ZNF609: variants seen among roughly 807,000 people sequenced by gnomAD.
ZNF609 encodes the protein zinc finger protein 609.
ZNF609 carries 11 observed loss-of-function variants against 109.5 expected under a neutral mutation model. That is an observed-to-expected ratio of 0.10 (90% CI 0.06 to 0.17). The LOEUF is 0.17. Among genes scored for constraint, ZNF609 ranks in the 10% least tolerant of loss-of-function variants. ZNF609 has a pLI of 1.00. For synonymous variants in ZNF609, 646 were observed against 662.0 expected, an observed-to-expected ratio of 0.98 and a Z score of 0.37; for missense variants, 1,559 against 1,772.4, an observed-to-expected ratio of 0.88 and a Z score of 2.16.
chr15:64,617,808 T>TTAAA (rs1000699971), intron 2 of ZNF609, among the ~76,000 whole-genome samples: 4 of 152,082 alleles, frequency 2.6e-5, no homozygotes, highest in Non-Finnish European at 5.9e-5. Context: ...ACAAAAAGTA[T>TTAAA]TAAAAGATAA....
intron 2 of ZNF609, among the ~76,000 whole-genome samples, chr15:64,608,295 T>C (rs1895646111): frequency 6.6e-6 from 1 of 151,622 alleles, no homozygotes; most frequent in South Asian, 2.1e-4. Context: ...TAAAATCTTT[T>C]TGTTTTAATA....
chr15:64,567,697 G>A (rs1894799135), intron 2 of ZNF609, among the ~76,000 whole-genome samples: 2 of 150,426 alleles, frequency 1.3e-5, no homozygotes, highest in Admixed American at 1.3e-4. Context: ...GATCTCGCTC[G>A]GTCACCCAGG....
chr15:64,662,682 T>C (rs1896596414), intron 3 of ZNF609, among the ~76,000 whole-genome samples: 1 of 151,966 alleles, frequency 6.6e-6, no homozygotes, highest in African/African-American at 2.4e-5. Flanking sequence ...TTTTTTTTTC[T>C]TGAGACAGGG....
At chr15:64,612,859 A>G (rs949722619) in intron 2 of ZNF609, among the ~76,000 whole-genome samples, 2 of 152,002 alleles carry the variant, frequency 1.3e-5, no homozygotes, top group African/African-American at 4.8e-5. Context: ...TACTAAAAAT[A>G]CAAAAATTAG....
chr15:64,672,077 G>C (rs1595759565), intron 4 of ZNF609, among the ~76,000 whole-genome samples: 1 of 142,444 alleles, frequency 7.0e-6, no homozygotes, highest in Non-Finnish European at 1.5e-5. Context: ...CAGTGGCGCA[G>C]TCTTGGCTCA....
intron 6 of ZNF609, among the ~76,000 whole-genome samples, chr15:64,678,760 T>C (rs994508909): frequency 1.3e-5 from 2 of 152,246 alleles, no homozygotes; most frequent in African/African-American, 4.8e-5. Flanking sequence ...GTAAAACTCC[T>C]TCTCTGTCAC....
intron 2 of ZNF609, among the ~76,000 whole-genome samples, chr15:64,613,805 C>T (rs1238113552): frequency 1.3e-5 from 2 of 152,090 alleles, no homozygotes; most frequent in East Asian, 3.9e-4. Context: ...ACCTTGGCCT[C>T]CCAAAGTGCT....
At chr15:64,515,125 T>C (rs1893787612) in intron 2 of ZNF609, among the ~76,000 whole-genome samples, 1 of 152,222 alleles carries the variant, frequency 6.6e-6, no homozygotes, top group Non-Finnish European at 1.5e-5. Context: ...TTTTCATATG[T>C]TCTACCTGGG....
chr15:64,566,158 G>T (rs1445313608), intron 2 of ZNF609, among the ~76,000 whole-genome samples: 1 of 152,120 alleles, frequency 6.6e-6, no homozygotes, highest in East Asian at 1.9e-4. Flanking sequence ...CCCAATTGAG[G>T]TATTTTATTT....
chr15:64,637,737 C>A (rs1896196369), intron 3 of ZNF609, among the ~76,000 whole-genome samples: 1 of 151,644 alleles, frequency 6.6e-6, no homozygotes, highest in Non-Finnish European at 1.5e-5. Flanking sequence ...GGTTGTATGT[C>A]TTTTTCTTAT....
intron 1 of ZNF609, among the ~76,000 whole-genome samples, chr15:64,464,487 G>C (rs1892984025): frequency 6.6e-6 from 1 of 152,224 alleles, no homozygotes; most frequent in African/African-American, 2.4e-5. Context: ...CTGCCAGGCA[G>C]ATGGGATTAG....
rs140208474 is a variant in ZNF609 at position 64,535,019 on chromosome 15, G to A, written c.747+34853G>A. Reference sequence around the variant, plus strand: ...TTGTACTCTGCACTTCAGCTTGGGCGACAGAGTGAAACTCCGTCTCCAAAA... The same window carrying A: ...TTGTACTCTGCACTTCAGCTTGGGCAACAGAGTGAAACTCCGTCTCCAAAA... On this transcript the variant is annotated intron_variant, in intron 2 of 9. Coordinates refer to ENST00000326648, the MANE Select transcript of ZNF609 (RefSeq NM_015042.2). Among the ~76,000 whole-genome samples, 385 of 151,104 alleles carry A rather than the reference G, an allele frequency of 2.5e-3. 1 individual carries two copies. The highest frequency in any genetic ancestry group is 8.9e-3 in the African/African-American group (367 of 41,176).
chr15:64,532,672 A>C (rs1894078948), intron 2 of ZNF609, among the ~76,000 whole-genome samples: 1 of 152,242 alleles, frequency 6.6e-6, no homozygotes, highest in African/African-American at 2.4e-5. Flanking sequence ...GTGCATTTGC[A>C]GGACATCTTT....
At chr15:64,648,374 C>A (rs1896366102) in intron 3 of ZNF609, among the ~76,000 whole-genome samples, 1 of 152,086 alleles carries the variant, frequency 6.6e-6, no homozygotes, top group African/African-American at 2.4e-5. Context: ...CACCTGTAGT[C>A]CCAGCTATTT....
At chr15:64,540,639 C>T (rs1213966365) in intron 2 of ZNF609, among the ~76,000 whole-genome samples, 1 of 151,204 alleles carries the variant, frequency 6.6e-6, no homozygotes, top group Non-Finnish European at 1.5e-5. Context: ...CCCTTTACCT[C>T]GTGATCCGCA....
chr15:64,627,980 A>C (rs1895998815), intron 3 of ZNF609, among the ~76,000 whole-genome samples: 1 of 150,852 alleles, frequency 6.6e-6, no homozygotes, highest in Non-Finnish European at 1.5e-5. Context: ...TAAGTTATAA[A>C]AATCTATGCA....
chr15:64,590,653 AAC>A (rs557818456), intron 2 of ZNF609, among the ~76,000 whole-genome samples: 383 of 134,430 alleles, frequency 2.8e-3, no homozygotes, highest in Non-Finnish European at 4.8e-3. Context: ...ACATACACAT[AAC>A]ACACACACAC....
At chr15:64,504,683 G>A in intron 2 of ZNF609, among the ~76,000 whole-genome samples, 1 of 148,266 alleles carries the variant, frequency 6.7e-6, no homozygotes, top group Non-Finnish European at 1.5e-5. Flanking sequence ...GGTTCACCAT[G>A]TTGGCCAGGC....
intron 1 of ZNF609, chr15:64,470,651 A>T (rs1893079782): frequency 6.6e-6 from 1 of 152,082 alleles, no homozygotes; most frequent in Non-Finnish European, 1.5e-5. Context: ...CCTCCTGAGT[A>T]GCTGGGATTA....
Sources: gnomAD v4.1 joint callset for allele counts (sites outside exome capture counted in the v4.1 genomes callset) on GRCh38, gnomAD v4.1.1 for gene constraint, MANE v1.5 for transcripts, NCBI Gene and HGNC (gene_info 2026-07-23, HGNC 2026-07-21) for gene names.